Variants in ANGPT1 observed in about 807,000 individuals in gnomAD.
ANGPT1 encodes the protein angiopoietin 1.
In ANGPT1, 17 loss-of-function variants were observed where a neutral mutation model predicts 62.2. The observed-to-expected ratio is 0.27, with a 90% CI of 0.19 to 0.41. The LOEUF is 0.41. ANGPT1 is among the 10% of genes least tolerant of loss of function. ANGPT1 has a pLI of 1.00. For missense variants in ANGPT1, 478 were observed against 594.9 expected, an observed-to-expected ratio of 0.80 and a Z score of 2.04; for synonymous variants, 199 against 198.9, an observed-to-expected ratio of 1.00 and a Z score of 0.00.
At chr8:107,322,275 G>T in intron 3 of ANGPT1, 147 bp from the exon 4 acceptor site, 2 of 636,056 alleles carry the variant, frequency 3.1e-6, no homozygotes, top group Non-Finnish European at 5.4e-6. Flanking sequence ...TTAAGAATAT[G>T]TATTCTTCAG....
Position 107,336,085 on chromosome 8 carries a change from G to C in ANGPT1, c.575+65C>G. 6 of 1,439,724 alleles carry C rather than the reference G, an allele frequency of 4.2e-6. No individual in the cohort carries two copies. In the South Asian group the frequency reaches 7.9e-5, roughly 19 times the overall value. 89.2% of individuals were successfully genotyped at this position (1,439,724 alleles called of 1,614,324 possible). A position where few individuals can be genotyped will look rare whatever the true frequency, so the allele number is the denominator to read the frequency against. On this transcript the variant is annotated intron_variant, in intron 3 of 8. Transcript: ENST00000517746. ...CCTCAACCTTATTTGTTTAAGAGTT[G>C]GCAGAGAGGTGAAGGATATAAATAA...
At chr8:107,275,992 C>T (rs1813856383) in intron 7 of ANGPT1, among the ~76,000 whole-genome samples, 1 of 152,096 alleles carries the variant, frequency 6.6e-6, no homozygotes, top group Non-Finnish European at 1.5e-5. Flanking sequence ...TAGAGACTGA[C>T]ATTCAACTGC....
At chr8:107,359,145 C>A (rs745998361) in intron 1 of ANGPT1, among the ~76,000 whole-genome samples, 42 of 152,106 alleles carry the variant, frequency 2.8e-4, no homozygotes, top group Non-Finnish European at 4.9e-4. Context: ...AATTACAGGA[C>A]TGAGTTAGAC....
intron 1 of ANGPT1, among the ~76,000 whole-genome samples, chr8:107,416,300 G>T (rs1489877704): frequency 6.6e-6 from 1 of 152,160 alleles, no homozygotes; most frequent in African/African-American, 2.4e-5. Context: ...CAATTAATTT[G>T]CTAGAGCAGC....
At chr8:107,479,338 G>A (rs1010150285) in intron 1 of ANGPT1, among the ~76,000 whole-genome samples, 1 of 152,062 alleles carries the variant, frequency 6.6e-6, no homozygotes, top group Non-Finnish European at 1.5e-5. Context: ...TAAAAGATTT[G>A]AAAATAGCTA....
intron 6 of ANGPT1, among the ~76,000 whole-genome samples, chr8:107,286,659 G>A (rs1019158698): frequency 6.6e-6 from 1 of 151,996 alleles, no homozygotes. Flanking sequence ...TTTTTTGATA[G>A]GCTGAATATG....
chr8:107,412,833 C>T (rs762503963), intron 1 of ANGPT1, among the ~76,000 whole-genome samples: 5 of 152,132 alleles, frequency 3.3e-5, no homozygotes, highest in Non-Finnish European at 5.9e-5. Context: ...CTGGTTCACT[C>T]TCTATTTCTA....
intron 1 of ANGPT1, among the ~76,000 whole-genome samples, chr8:107,466,605 A>G (rs921029665): frequency 6.6e-6 from 1 of 152,094 alleles, no homozygotes; most frequent in Non-Finnish European, 1.5e-5. Context: ...CTGCATGAAC[A>G]TCGGTTGTTA....
intron 1 of ANGPT1, among the ~76,000 whole-genome samples, chr8:107,492,635 C>T (rs1017132872): frequency 1.5e-5 from 2 of 136,890 alleles, no homozygotes; most frequent in Admixed American, 7.4e-5. Context: ...CCACGCCCGG[C>T]CAATATGTAC....
At chr8:107,423,827 C>CTTTTTTTTT (rs869079818) in intron 1 of ANGPT1, among the ~76,000 whole-genome samples, 16 of 74,440 alleles carry the variant, frequency 2.1e-4, no homozygotes, top group South Asian at 6.6e-4. Context: ...CTTTTCCTTT[C>CTTTTTTTTT]TTTTTTTTTT....
chr8:107,290,454 T>C (rs1039121092), intron 6 of ANGPT1, among the ~76,000 whole-genome samples: 6 of 152,232 alleles, frequency 3.9e-5, no homozygotes, highest in South Asian at 2.1e-4. Context: ...AGGCAGTTCT[T>C]TGGATGCAGG....
intron 7 of ANGPT1, among the ~76,000 whole-genome samples, chr8:107,279,977 C>T (rs1233094575): frequency 2.6e-5 from 4 of 151,528 alleles, no homozygotes; most frequent in Non-Finnish European, 5.9e-5. Flanking sequence ...TCCCAGGATC[C>T]GTGGCAGAGT....
At chr8:107,444,010 T>C (rs1471110723) in intron 1 of ANGPT1, among the ~76,000 whole-genome samples, 3 of 152,150 alleles carry the variant, frequency 2.0e-5, no homozygotes, top group East Asian at 3.9e-4. Flanking sequence ...TTAATGGCAA[T>C]GTCATTAAAT....
chr8:107,361,720 A>G lies in ANGPT1; in HGVS notation c.298-14623T>C, dbSNP rs778945659. On this transcript the variant is annotated intron_variant, in intron 1 of 8. Coordinates refer to ENST00000517746, the MANE Select transcript of ANGPT1 (RefSeq NM_001146.5). ...GTTCATGTTTCCCCTTGAAAATGCC[A>G]TATCTTATTAAGTATGTATAAGAAC... is the stretch of plus-strand genomic sequence containing the variant. Among the ~76,000 whole-genome samples, 248 of 151,668 alleles carry G rather than the reference A, an allele frequency of 1.6e-3. 2 individuals are homozygous for G. Among genetic ancestry groups the G allele is most frequent in the Middle Eastern group, 0.01 (3 of 286 alleles).
chr8:107,398,603 T>C (rs549421889), intron 1 of ANGPT1, among the ~76,000 whole-genome samples: 52 of 151,610 alleles, frequency 3.4e-4, no homozygotes, highest in African/African-American at 1.2e-3. Context: ...ATGGGTCATA[T>C]AATCCTTGCT....
At chr8:107,496,285 TAAACAGAGTGCAA>T (rs1177436486) in intron 1 of ANGPT1, among the ~76,000 whole-genome samples, 5 of 152,346 alleles carry the variant, frequency 3.3e-5, no homozygotes, top group Admixed American at 3.3e-4. Flanking sequence ...TGCCTATTAT[TAAACAGAGTGCAA>T]AGACAGAATG....
intron 5 of ANGPT1, among the ~76,000 whole-genome samples, chr8:107,297,219 A>G (rs962551844): frequency 2.0e-5 from 3 of 151,984 alleles, no homozygotes; most frequent in East Asian, 3.9e-4. Flanking sequence ...ATGCTTCCCA[A>G]TTCTTATGCA....
intron 1 of ANGPT1, among the ~76,000 whole-genome samples, chr8:107,466,587 T>C (rs1291898075): frequency 6.6e-6 from 1 of 152,102 alleles, no homozygotes; most frequent in Non-Finnish European, 1.5e-5. Context: ...ATCCAAGGAT[T>C]TCAGCATCTG....
intron 1 of ANGPT1, among the ~76,000 whole-genome samples, chr8:107,386,338 C>A (rs1432587950): frequency 6.6e-6 from 1 of 151,978 alleles, no homozygotes; most frequent in Non-Finnish European, 1.5e-5. Context: ...CAAACCCCTG[C>A]AACATGCAAT....
Sources: gnomAD v4.1 joint callset for allele counts (sites outside exome capture counted in the v4.1 genomes callset) on GRCh38, gnomAD v4.1.1 for gene constraint, MANE v1.5 for transcripts, NCBI Gene and HGNC (gene_info 2026-07-23, HGNC 2026-07-21) for gene names.